The following PDLIM5 variants were observed in gnomAD, a reference collection of about 807,000 sequenced individuals.
PDLIM5 encodes PDZ and LIM domain protein 5.
PDLIM5 carries 34 observed loss-of-function variants against 64.2 expected under a neutral mutation model. That is an observed-to-expected ratio of 0.53 (90% CI 0.40 to 0.71). The LOEUF is 0.71. PDLIM5 is among the 30% of genes least tolerant of loss of function. PDLIM5 has a pLI of 0.00. For missense variants in PDLIM5, 683 were observed against 733.6 expected, an observed-to-expected ratio of 0.93 and a Z score of 0.80; for synonymous variants, 253 against 269.1, an observed-to-expected ratio of 0.94 and a Z score of 0.59.
chr4:94,606,686 G>A (rs563621943), intron 7 of PDLIM5, among the ~76,000 whole-genome samples: 2 of 152,308 alleles, frequency 1.3e-5, no homozygotes, highest in African/African-American at 2.4e-5. Flanking sequence ...TAGCTGTGTA[G>A]AGAAGTTATT....
intron 2 of PDLIM5, among the ~76,000 whole-genome samples, chr4:94,482,506 T>C (rs1315075254): frequency 6.6e-6 from 1 of 152,204 alleles, no homozygotes; most frequent in Non-Finnish European, 1.5e-5. Context: ...GACTGTTGAG[T>C]AATGAATGTC....
rs61103869 is a variant in PDLIM5, at chr4:94,589,732, C to CTTTCTTTTCT, written c.920+3306_920+3315dup. Among the ~76,000 whole-genome samples the CTTTCTTTTCT allele has an allele frequency of 2.0e-3, 295 of 148,658 alleles. 3 individuals are homozygous for CTTTCTTTTCT. Among genetic ancestry groups the CTTTCTTTTCT allele is most frequent in the Middle Eastern group, 6.9e-3 (2 of 288 alleles). On this transcript the variant is annotated intron_variant, in intron 7 of 12. Coordinates refer to ENST00000317968, the MANE Select transcript of PDLIM5 (RefSeq NM_006457.5). ...TTTCTTTCTCTCTTTCTCTTTCTTTCTTTCTTTTCTTTTCTTTTCTTTTCT... is the reference window on the plus strand; with the variant it reads ...TTTCTTTCTCTCTTTCTCTTTCTTTCTTTCTTTTCTTTTCTTTTCTTTTCTTTTCTTTTCT...
intron 9 of PDLIM5, among the ~76,000 whole-genome samples, chr4:94,654,016 T>G (rs1272058703): frequency 6.6e-6 from 1 of 152,196 alleles, no homozygotes; most frequent in Non-Finnish European, 1.5e-5. Context: ...TTTAGCACTA[T>G]GACTTACCAA....
At chr4:94,454,030 C>T (rs939728933) in intron 1 of PDLIM5, among the ~76,000 whole-genome samples, 2 of 152,056 alleles carry the variant, frequency 1.3e-5, no homozygotes, top group Non-Finnish European at 2.9e-5. Flanking sequence ...GGAATGTTTG[C>T]TTTAAATATA....
chr4:94,510,659 T>G (rs1341822216), intron 2 of PDLIM5, among the ~76,000 whole-genome samples: 1 of 152,176 alleles, frequency 6.6e-6, no homozygotes, highest in Non-Finnish European at 1.5e-5. Context: ...CCAGAGCTGA[T>G]TTTAACCACT....
intron 3 of PDLIM5, among the ~76,000 whole-genome samples, chr4:94,531,611 A>T (rs1730875202): frequency 6.6e-6 from 1 of 152,188 alleles, no homozygotes; most frequent in Non-Finnish European, 1.5e-5. Context: ...GGCCACATGC[A>T]GCCTGTGGGC....
At chr4:94,510,020 T>A (rs1728731590) in intron 2 of PDLIM5, among the ~76,000 whole-genome samples, 1 of 152,182 alleles carries the variant, frequency 6.6e-6, no homozygotes, top group Admixed American at 6.5e-5. Context: ...TAGTTCATTC[T>A]TACAGTCATC....
At chr4:94,547,124 T>G (rs1047216812) in intron 3 of PDLIM5, among the ~76,000 whole-genome samples, 5 of 151,970 alleles carry the variant, frequency 3.3e-5, no homozygotes, top group Admixed American at 3.3e-4. Context: ...TTCATAAAAG[T>G]TTTCCAAAAA....
intron 7 of PDLIM5, among the ~76,000 whole-genome samples, chr4:94,588,432 G>A (rs549580247): frequency 3.9e-4 from 60 of 152,188 alleles, no homozygotes; most frequent in Non-Finnish European, 2.9e-5. Context: ...GCATGGTGGC[G>A]CATGCCTGTA....
chr4:94,618,373 T>C (rs1399110088), intron 8 of PDLIM5, among the ~76,000 whole-genome samples, 182 bp downstream of exon 8: 1 of 152,220 alleles, frequency 6.6e-6, no homozygotes, highest in African/African-American at 2.4e-5. Context: ...AAACATTCTT[T>C]GTGTGTATTT....
intron 8 of PDLIM5, among the ~76,000 whole-genome samples, chr4:94,622,296 G>A (rs185979239): frequency 4.0e-5 from 6 of 151,390 alleles, no homozygotes; most frequent in Non-Finnish European, 7.4e-5. Context: ...ATTATGGATA[G>A]CAGCTTAGGT....
intron 5 of PDLIM5, 91 bp downstream of exon 5, chr4:94,576,125 A>C: frequency 9.3e-7 from 1 of 1,079,590 alleles, no homozygotes; most frequent in Non-Finnish European, 1.4e-6. Flanking sequence ...CCCAAAACCA[A>C]CTTTCTTTGA....
intron 9 of PDLIM5, among the ~76,000 whole-genome samples, chr4:94,648,984 GT>G (rs201143935): frequency 2.0e-5 from 3 of 150,124 alleles, no homozygotes; most frequent in African/African-American, 4.9e-5. Context: ...TTTGGTTTTG[GT>G]TTTTTTTTGA....
At chr4:94,652,565 T>C (rs944375393) in intron 9 of PDLIM5, among the ~76,000 whole-genome samples, 4 of 152,176 alleles carry the variant, frequency 2.6e-5, no homozygotes, top group Non-Finnish European at 4.4e-5. Context: ...ACTCGTTGAA[T>C]AGGATTGTTA....
At chr4:94,515,071 G>A (rs1343067530) in intron 2 of PDLIM5, among the ~76,000 whole-genome samples, 3 of 152,146 alleles carry the variant, frequency 2.0e-5, no homozygotes, top group Non-Finnish European at 4.4e-5. Context: ...CCTTTGATTT[G>A]CAGTGTGGCA....
At chr4:94,538,017 T>G (rs1356875384) in intron 3 of PDLIM5, among the ~76,000 whole-genome samples, 2 of 152,176 alleles carry the variant, frequency 1.3e-5, no homozygotes, top group Non-Finnish European at 2.9e-5. Flanking sequence ...TGAAGACATT[T>G]GTTTGATATT....
At chr4:94,544,647 T>C (rs1732146865) in intron 3 of PDLIM5, among the ~76,000 whole-genome samples, 1 of 152,210 alleles carries the variant, frequency 6.6e-6, no homozygotes, top group South Asian at 2.1e-4. Context: ...ATTCTCTGTA[T>C]GAAATCTAGT....
chr4:94,637,302 T>C (rs1218990226), intron 8 of PDLIM5, among the ~76,000 whole-genome samples: 1 of 152,220 alleles, frequency 6.6e-6, no homozygotes, highest in Non-Finnish European at 1.5e-5. Context: ...GGCTGATGCC[T>C]GTGGTCCCAG....
intron 2 of PDLIM5, among the ~76,000 whole-genome samples, chr4:94,460,347 G>A (rs759747021): frequency 4.6e-5 from 7 of 152,062 alleles, no homozygotes; most frequent in Non-Finnish European, 8.8e-5. Context: ...AGAAAAAAAC[G>A]CACTTATTTG....
Sources: allele counts gnomAD v4.1 joint callset (sites outside exome capture counted in the v4.1 genomes callset), GRCh38; gene constraint gnomAD v4.1.1; transcripts MANE v1.5; gene names NCBI Gene and HGNC (gene_info 2026-07-23, HGNC 2026-07-21).